Variants in BAZ2B observed in about 807,000 individuals in gnomAD.
BAZ2B encodes the protein bromodomain adjacent to zinc finger domain 2B, also known as bromodomain adjacent to zinc finger domain protein 2B.
Under a neutral mutation model 246.0 loss-of-function variants are expected in BAZ2B, and 91 were observed. The observed-to-expected ratio is 0.37, with a 90% CI of 0.31 to 0.44. The LOEUF is 0.44. Ranked by LOEUF, BAZ2B falls within the 20% of genes least tolerant of loss-of-function variation. The probability of loss-of-function intolerance (pLI) is 1.00; values close to 1 mark genes in which losing one functional copy is unlikely to be tolerated. For missense variants in BAZ2B, 2,332 were observed against 2,533.7 expected (o/e 0.92, Z 1.71); for synonymous variants, 855 against 860.0 (o/e 0.99, Z 0.10).
At chr2:159,496,455 C>T (rs1262799701) in intron 2 of BAZ2B, among the ~76,000 whole-genome samples, 1 of 146,986 alleles carries the variant, frequency 6.8e-6, no homozygotes, top group Admixed American at 6.8e-5. Context: ...CCACTGCACT[C>T]CAGCCTGAGC....
intron 2 of BAZ2B, among the ~76,000 whole-genome samples, chr2:159,543,232 A>C (rs2086873314): frequency 6.6e-6 from 1 of 152,170 alleles, no homozygotes; most frequent in African/African-American, 2.4e-5. Context: ...TCTGTGAAAC[A>C]AACACTGACT....
chr2:159,380,029 C>A (rs1417095907), intron 25 of BAZ2B, among the ~76,000 whole-genome samples: 2 of 151,112 alleles, frequency 1.3e-5, no homozygotes, highest in Non-Finnish European at 1.5e-5. Flanking sequence ...CACACACATC[C>A]CTCTATGACC....
the BAZ2B span, chr2:159,695,136 T>C: frequency 6.6e-6 from 1 of 152,222 alleles, no homozygotes; most frequent in Non-Finnish European, 1.5e-5. Context: ...ATATCTTCTT[T>C]AGAAAAATAT....
chr2:159,570,656 GTC>G (rs1479343244), intron 1 of BAZ2B, among the ~76,000 whole-genome samples: 1 of 150,964 alleles, frequency 6.6e-6, no homozygotes, highest in Non-Finnish European at 1.5e-5. Context: ...CCCTTTCTCT[GTC>G]TCTGTCTTAT....
At chr2:159,481,387 T>C (rs1375109250) in intron 2 of BAZ2B, among the ~76,000 whole-genome samples, 1 of 151,602 alleles carries the variant, frequency 6.6e-6, no homozygotes, top group Non-Finnish European at 1.5e-5. Flanking sequence ...AACCTGCATG[T>C]TGTGCACATC....
intron 14 of BAZ2B, among the ~76,000 whole-genome samples, chr2:159,407,129 AC>A (rs1170815611): frequency 6.6e-6 from 1 of 152,034 alleles, no homozygotes; most frequent in Non-Finnish European, 1.5e-5. Flanking sequence ...CCCCGCTTAC[AC>A]AAAAAATAAC....
chr2:159,366,873 G>C (rs2357173), intron 27 of BAZ2B, among the ~76,000 whole-genome samples: 117,127 of 151,962 alleles, frequency 0.77, 46,195 homozygotes, highest in Middle Eastern at 0.89. Flanking sequence ...GCTTTCTATT[G>C]CAGATGGGGA....
chr2:159,490,496 T>G (rs2080331409), intron 2 of BAZ2B, among the ~76,000 whole-genome samples: 1 of 152,028 alleles, frequency 6.6e-6, no homozygotes, highest in African/African-American at 2.4e-5. Flanking sequence ...AACCTTGACG[T>G]TTTGGGTTTT....
At chr2:159,508,775 C>T (rs1349697341) in intron 2 of BAZ2B, among the ~76,000 whole-genome samples, 1 of 152,156 alleles carries the variant, frequency 6.6e-6, no homozygotes, top group Non-Finnish European at 1.5e-5. Flanking sequence ...TCTCCGATGT[C>T]CTAAATAATA....
the BAZ2B span, among the ~76,000 whole-genome samples, chr2:159,682,848 A>G: frequency 1.3e-5 from 2 of 152,264 alleles, no homozygotes; most frequent in Middle Eastern, 3.4e-3. Context: ...TTATTCCAGA[A>G]GATGAAAAAA....
Position 159,595,747 on chromosome 2 carries a change from A to G in BAZ2B, c.-46+20495T>C, listed in dbSNP as rs571265551. 7.2e-5 allele frequency among the ~76,000 whole-genome samples: 11 copies of G among 152,364 alleles called. No homozygotes were observed. In the South Asian group the frequency reaches 2.3e-3, roughly 32 times the overall value. On this transcript the variant is annotated intron_variant, in intron 1 of 36. Transcript: ENST00000392783. ...ATTCTGAACTATATCTAACAAGCGGAGGTACTATCAGTCCATAGCCCACTC... is the reference window on the plus strand; with the variant it reads ...ATTCTGAACTATATCTAACAAGCGGGGGTACTATCAGTCCATAGCCCACTC...
At chr2:159,481,519 G>A (rs1370633851) in intron 2 of BAZ2B, among the ~76,000 whole-genome samples, 1 of 151,774 alleles carries the variant, frequency 6.6e-6, no homozygotes, top group East Asian at 1.9e-4. Context: ...CAGGATATTT[G>A]CATAGTCTCA....
chr2:159,428,489 T>A (rs1296916513), intron 11 of BAZ2B, 70 bp from the exon 12 acceptor site: 21 of 1,224,878 alleles, frequency 1.7e-5, no homozygotes, highest in Non-Finnish European at 2.5e-5. Context: ...TAAAAATAAG[T>A]TAAAGTATAC....
At chr2:159,394,056 G>T (rs1374900628) in intron 20 of BAZ2B, among the ~76,000 whole-genome samples, 2 of 151,706 alleles carry the variant, frequency 1.3e-5, no homozygotes, top group African/African-American at 4.8e-5. Context: ...AACGTTCTGG[G>T]TTATTTTAGT....
At chr2:159,528,922 G>A (rs2085047908) in intron 2 of BAZ2B, among the ~76,000 whole-genome samples, 1 of 140,902 alleles carries the variant, frequency 7.1e-6, no homozygotes, top group Non-Finnish European at 1.5e-5. Context: ...AAAACCCTTT[G>A]GATACAGGAA....
chr2:159,382,419 ATTTGTT>A, intron 25 of BAZ2B, 134 bp downstream of exon 25: 1 of 889,646 alleles, frequency 1.1e-6, no homozygotes, highest in Non-Finnish European at 1.7e-6. Flanking sequence ...AGATTGTAAT[ATTTGTT>A]TTTCAGATGA....
chr2:159,490,011 T>C lies in BAZ2B; in HGVS notation c.-2-11290A>G, dbSNP rs1021573981. ...TATTCCTTGAAAGTAAGCTGAAGCT[T>C]GGAATTACATTATATTGGTTTTCAC... On this transcript the variant is annotated intron_variant, in intron 2 of 36. Transcript: ENST00000392783. 2.0e-5 allele frequency among the ~76,000 whole-genome samples: 3 copies of C among 152,338 alleles called. No individual in the cohort carries two copies. The East Asian group carries it at 5.8e-4, about 29-fold the overall frequency.
At chr2:159,680,189 A>G in the BAZ2B span, among the ~76,000 whole-genome samples, 2 of 152,256 alleles carry the variant, frequency 1.3e-5, no homozygotes, top group Admixed American at 6.5e-5. Flanking sequence ...AGAAAAAAGT[A>G]TAATCTTACA....
At chr2:159,385,120 G>C (rs1193314435) in intron 23 of BAZ2B, 35 bp downstream of exon 23, 4 of 1,561,306 alleles carry the variant, frequency 2.6e-6, no homozygotes, top group Non-Finnish European at 2.6e-6. Context: ...AATTCAAAAT[G>C]GAAAAATCAC....
Sources: gnomAD v4.1 joint callset for allele counts (sites outside exome capture counted in the v4.1 genomes callset) on GRCh38, gnomAD v4.1.1 for gene constraint, MANE v1.5 for transcripts, NCBI Gene and HGNC (gene_info 2026-07-23, HGNC 2026-07-21) for gene names.